The following LEPR variants were observed in gnomAD, a reference collection of about 807,000 sequenced individuals.
LEPR encodes the protein leptin receptor.
LEPR carries 56 observed loss-of-function variants against 114.7 expected under a neutral mutation model. That is an observed-to-expected ratio of 0.49 (90% CI 0.39 to 0.61). LEPR has a LOEUF of 0.61. Ranked by LOEUF, LEPR falls within the 20% of genes least tolerant of loss-of-function variation. LEPR has a pLI of 0.00. For synonymous variants in LEPR, 443 were observed against 461.4 expected (o/e 0.96, Z 0.51); for missense variants, 1,202 against 1,352.9 (o/e 0.89, Z 1.75).
chr1:65,431,848 AT>A (rs751274965), intron 2 of LEPR: 3 of 1,614,120 alleles, frequency 1.9e-6, no homozygotes, highest in Non-Finnish European at 2.5e-6. Context: ...CAATGCAGTC[AT>A]TTTCCTTACA....
rs138841936 is a variant in LEPR at position 65,572,961 on chromosome 1, CTT to C, written c.494+514_494+515del. ...TGCCTTCAGGGTCAGCAGCTTAACT[CTT>C]TCTCTCTCTGGGCATGAACATGAAC... On this transcript the variant is annotated intron_variant, in intron 5 of 19. Transcript: ENST00000349533. 3.9e-3 allele frequency among the ~76,000 whole-genome samples: 595 copies of C among 152,286 alleles called. 6 individuals carry two copies. The highest frequency in any genetic ancestry group is 0.014 in the African/African-American group (571 of 41,556).
chr1:65,446,936 A>G (rs1210169149), intron 2 of LEPR, among the ~76,000 whole-genome samples: 1 of 152,022 alleles, frequency 6.6e-6, no homozygotes, highest in Non-Finnish European at 1.5e-5. Context: ...GGCTCAGGTG[A>G]TCCTCTCACC....
intron 2 of LEPR, among the ~76,000 whole-genome samples, chr1:65,531,410 TCC>T (rs1650386603): frequency 6.6e-6 from 1 of 151,838 alleles, no homozygotes; most frequent in Admixed American, 6.6e-5. Flanking sequence ...TCCTTTCCTT[TCC>T]TTTCCTTTCC....
At chr1:65,612,816 T>G (rs758769899) in intron 14 of LEPR, among the ~76,000 whole-genome samples, 1 of 152,200 alleles carries the variant, frequency 6.6e-6, no homozygotes, top group Admixed American at 6.6e-5. Context: ...AGATCACAGA[T>G]GTAAAATGCC....
At chr1:65,465,228 A>G (rs531087102) in intron 2 of LEPR, among the ~76,000 whole-genome samples, 5 of 152,162 alleles carry the variant, frequency 3.3e-5, no homozygotes, top group Non-Finnish European at 5.9e-5. Context: ...CATTGTGTCT[A>G]TGTTCTCACT....
At position 65,639,996 on chromosome 1, in the gene LEPR, A is replaced by G. The variant is rs889797261; in HGVS notation, c.*2981A>G. 4.6e-5 allele frequency: 7 copies of G among 152,138 alleles called. No individual in the cohort carries two copies. Among genetic ancestry groups the G allele is most frequent in the African/African-American group, 1.7e-4 (7 of 41,428 alleles). 9.4% of individuals were successfully genotyped at this position (152,138 alleles called of 1,614,324 possible). Reference sequence around the variant, plus strand: ...TTAAACCTAGTCACCAAATGGTAAAAGGACTTGGATGAAATTCCAATACCA... The same window carrying G: ...TTAAACCTAGTCACCAAATGGTAAAGGGACTTGGATGAAATTCCAATACCA... On this transcript the variant is annotated 3_prime_UTR_variant, in exon 20 of 20. Coordinates refer to ENST00000349533, the MANE Select transcript of LEPR (RefSeq NM_002303.6).
chr1:65,565,810 C>G (rs985899406), intron 3 of LEPR, among the ~76,000 whole-genome samples: 10 of 151,904 alleles, frequency 6.6e-5, no homozygotes, highest in Admixed American at 2.0e-4. Flanking sequence ...TAAAGACAAC[C>G]TGATGGTGTA....
At chr1:65,596,647 CTT>C in intron 7 of LEPR, 54 bp downstream of exon 7, 1 of 1,519,228 alleles carries the variant, frequency 6.6e-7, no homozygotes, top group Non-Finnish European at 9.1e-7. Flanking sequence ...TAAAGACCCT[CTT>C]AAGTCCCATA....
At chr1:65,519,492 T>C (rs1201659407) in intron 2 of LEPR, among the ~76,000 whole-genome samples, 1 of 152,052 alleles carries the variant, frequency 6.6e-6, no homozygotes, top group Non-Finnish European at 1.5e-5. Flanking sequence ...CAATAGCCTG[T>C]TAATAATGAT....
At chr1:65,472,319 A>G (rs1424570111) in intron 2 of LEPR, among the ~76,000 whole-genome samples, 1 of 151,660 alleles carries the variant, frequency 6.6e-6, no homozygotes, top group Non-Finnish European at 1.5e-5. Context: ...AAACGGGTGG[A>G]GTGGATGGAG....
At chr1:65,610,416 AT>A in intron 14 of LEPR, 120 bp downstream of exon 14, 1 of 841,118 alleles carries the variant, frequency 1.2e-6, no homozygotes, top group Non-Finnish European at 1.9e-6. Context: ...TTTTCATTGC[AT>A]TTATGAGATG....
chr1:65,550,354 C>G (rs568644241), intron 2 of LEPR, among the ~76,000 whole-genome samples: 1 of 152,220 alleles, frequency 6.6e-6, no homozygotes, highest in South Asian at 2.1e-4. Flanking sequence ...CGCTGTCAGA[C>G]AGGAACATTT....
At chr1:65,433,695 C>T (rs1417225610) in intron 2 of LEPR, 1 of 969,874 alleles carries the variant, frequency 1.0e-6, no homozygotes, top group East Asian at 1.1e-4. Context: ...GTTGTCATTT[C>T]CAATATTTAT....
chr1:65,519,846 A>C (rs1649539728), intron 2 of LEPR, among the ~76,000 whole-genome samples: 1 of 151,758 alleles, frequency 6.6e-6, no homozygotes. Flanking sequence ...TTTACAAAAA[A>C]AAATGTTTTT....
Position 65,570,659 on chromosome 1 carries a change from G to A in LEPR, c.227G>A (p.Gly76Asp), listed in dbSNP as rs748033432. 1.2e-6 allele frequency: 2 copies of A among 1,613,904 alleles called. No individual in the cohort carries two copies. The highest frequency in any genetic ancestry group is 1.1e-5 in the South Asian group (1 of 91,066). Residue 76 changes from glycine (G) to aspartate (D), a missense_variant, in exon 4 of 20, where the codon GGT becomes GAT. Coordinates refer to ENST00000349533, the MANE Select transcript of LEPR (RefSeq NM_002303.6). Reference protein sequence around the residue: ...TAVEPKFNSSGTHFSNLSKTT... With the variant: ...TAVEPKFNSSDTHFSNLSKTT... ...GTTGAACCTAAGTTTAATTCAAGTG[G>A]TACTCACTTTTCTAACTTATCCAAA...
At chr1:65,454,486 A>G (rs1557600383) in intron 2 of LEPR, among the ~76,000 whole-genome samples, 1 of 152,104 alleles carries the variant, frequency 6.6e-6, no homozygotes, top group Admixed American at 6.6e-5. Context: ...TGGTGGTGAC[A>G]AAATCTCTCA....
intron 2 of LEPR, among the ~76,000 whole-genome samples, chr1:65,468,708 C>G (rs747580194): frequency 6.6e-6 from 1 of 152,182 alleles, no homozygotes; most frequent in Non-Finnish European, 1.5e-5. Context: ...CTCTATGGAA[C>G]CGTATGAATG....
At position 65,618,085 on chromosome 1, in the gene LEPR, T is replaced by C. The variant is rs781354905; in HGVS notation, c.2334T>C (p.Asn778=). The change falls in exon 16 of 20, where the codon AAT becomes AAC. Residue 778 remains asparagine, a synonymous_variant. Coordinates refer to ENST00000349533, the MANE Select transcript of LEPR (RefSeq NM_002303.6). ...MYFIIEWKNL[N]EDGEIKWLRI... ...TTATTATTGAGTGGAAAAATCTTAATGAAGATGGTGAAATAAAATGGCTTA... is the reference window on the plus strand; with the variant it reads ...TTATTATTGAGTGGAAAAATCTTAACGAAGATGGTGAAATAAAATGGCTTA... 3.1e-6 allele frequency: 5 copies of C among 1,611,596 alleles called. No individual in the cohort carries two copies. In the Admixed American group the frequency reaches 6.7e-5, roughly 22 times the overall value.
chr1:65,615,362 A>G (rs1657465767), intron 14 of LEPR, among the ~76,000 whole-genome samples: 1 of 152,210 alleles, frequency 6.6e-6, no homozygotes, highest in Non-Finnish European at 1.5e-5. Context: ...TGAACTAGAC[A>G]CTTATTTTAC....
Sources: gnomAD v4.1 joint callset for allele counts (sites outside exome capture counted in the v4.1 genomes callset) on GRCh38, gnomAD v4.1.1 for gene constraint, MANE v1.5 for transcripts, NCBI Gene and HGNC (gene_info 2026-07-23, HGNC 2026-07-21) for gene names.